Variants in CHRM2 observed in about 807,000 individuals in gnomAD.
CHRM2 encodes muscarinic acetylcholine receptor M2.
Under a neutral mutation model 25.0 loss-of-function variants are expected in CHRM2, and 8 were observed. The ratio of observed to expected loss-of-function variants is 0.32; its 90% CI spans 0.19 to 0.58. The LOEUF (loss-of-function observed/expected upper bound fraction) is 0.58, where lower values mean the gene tolerates loss of function less well. Ranked by LOEUF, CHRM2 falls within the 20% of genes least tolerant of loss-of-function variation. The probability of loss-of-function intolerance (pLI) is 0.88; values close to 1 mark genes in which losing one functional copy is unlikely to be tolerated. For missense variants in CHRM2, 440 were observed against 567.1 expected (o/e 0.78, Z 2.28); for synonymous variants, 202 against 205.7 (o/e 0.98, Z 0.15).
chr7:136,998,154 T>A lies in CHRM2; in HGVS notation c.-47+5890T>A, dbSNP rs553744190. Reference sequence around the variant, plus strand: ...TACATATGGAGCTAGATTGAGAGAATTAGTTCAAGCTCATACGTTTCAATA... The same window carrying A: ...TACATATGGAGCTAGATTGAGAGAAATAGTTCAAGCTCATACGTTTCAATA... On this transcript the variant is annotated intron_variant, in intron 3 of 3. Coordinates refer to ENST00000680005, the MANE Select transcript of CHRM2 (RefSeq NM_001006630.2). Among the ~76,000 whole-genome samples, 310 of 152,288 alleles carry A rather than the reference T, an allele frequency of 2.0e-3. 3 individuals are homozygous for A. The highest frequency in any genetic ancestry group is 3.5e-3 in the Non-Finnish European group (238 of 68,012).
intron 3 of CHRM2, among the ~76,000 whole-genome samples, chr7:137,005,704 C>A (rs997185375): frequency 1.3e-5 from 2 of 152,094 alleles, no homozygotes; most frequent in African/African-American, 2.4e-5. Flanking sequence ...TTGTTTGGAG[C>A]TGCTCAGCTT....
chr7:136,903,013 T>C (rs957022780), intron 2 of CHRM2: 4 of 468,126 alleles, frequency 8.5e-6, no homozygotes, highest in African/African-American at 6.1e-5. Context: ...GTATACATTA[T>C]GGCCAGCAAC....
At chr7:136,919,772 T>C (rs1798321651) in intron 2 of CHRM2, among the ~76,000 whole-genome samples, 2 of 152,166 alleles carry the variant, frequency 1.3e-5, no homozygotes, top group South Asian at 4.1e-4. Flanking sequence ...TTCATGATTC[T>C]ATTTGTTTCA....
chr7:136,996,599 TA>T (rs1298082964), intron 3 of CHRM2, among the ~76,000 whole-genome samples: 5 of 152,146 alleles, frequency 3.3e-5, no homozygotes, highest in Non-Finnish European at 5.9e-5. Context: ...ATAGATCTAT[TA>T]AAAAATCATG....
intron 2 of CHRM2, among the ~76,000 whole-genome samples, chr7:136,915,460 A>G (rs148291298): frequency 1.6e-4 from 24 of 151,990 alleles, no homozygotes; most frequent in African/African-American, 5.8e-4. Flanking sequence ...TTTTAATTGA[A>G]GTGATCAGTA....
At chr7:136,999,546 C>G (rs866810015) in intron 3 of CHRM2, among the ~76,000 whole-genome samples, 54 of 151,980 alleles carry the variant, frequency 3.6e-4, no homozygotes, top group African/African-American at 1.1e-3. Flanking sequence ...ATCCCTCCCC[C>G]CTCCTCCCAC....
At chr7:137,001,608 G>A (rs1353099811) in intron 3 of CHRM2, among the ~76,000 whole-genome samples, 1 of 152,094 alleles carries the variant, frequency 6.6e-6, no homozygotes, top group Non-Finnish European at 1.5e-5. Context: ...TTCATTTAGG[G>A]CTAGGATGAG....
intron 2 of CHRM2, among the ~76,000 whole-genome samples, chr7:136,891,548 G>A (rs1262106057): frequency 6.6e-6 from 1 of 152,152 alleles, no homozygotes; most frequent in Non-Finnish European, 1.5e-5. Flanking sequence ...AGCATTTGCT[G>A]TGACTCACAT....
chr7:136,921,210 G>T (rs35850868), intron 2 of CHRM2, among the ~76,000 whole-genome samples: 2 of 151,746 alleles, frequency 1.3e-5, no homozygotes, highest in Non-Finnish European at 2.9e-5. Flanking sequence ...CCTCCAGGTC[G>T]TTCTGTCTCC....
intron 3 of CHRM2, among the ~76,000 whole-genome samples, chr7:137,001,386 A>C (rs1271472702): frequency 6.6e-6 from 1 of 152,198 alleles, no homozygotes; most frequent in African/African-American, 2.4e-5. Context: ...TTTGAAAGCA[A>C]CCAAACAAGG....
intron 2 of CHRM2, among the ~76,000 whole-genome samples, chr7:136,969,673 T>C (rs1463203039): frequency 6.6e-6 from 1 of 152,172 alleles, no homozygotes; most frequent in Non-Finnish European, 1.5e-5. Context: ...TCTGCCACCT[T>C]TCCAACGTCC....
intron 2 of CHRM2, among the ~76,000 whole-genome samples, chr7:136,910,301 C>T (rs1797771752): frequency 6.6e-6 from 1 of 151,854 alleles, no homozygotes; most frequent in Non-Finnish European, 1.5e-5. Flanking sequence ...ATACAGTACA[C>T]ATATTAATTC....
At chr7:136,993,600 A>G (rs1584892341) in intron 3 of CHRM2, among the ~76,000 whole-genome samples, 1 of 152,064 alleles carries the variant, frequency 6.6e-6, no homozygotes, top group African/African-American at 2.4e-5. Flanking sequence ...AAAGCAAACA[A>G]CTCTAGCCCA....
At chr7:136,903,353 C>A in intron 2 of CHRM2, 1 of 407,072 alleles carries the variant, frequency 2.5e-6, no homozygotes, top group Non-Finnish European at 5.0e-6. Flanking sequence ...AAATCTCCTT[C>A]AAAAGGAAGT....
At chr7:136,949,523 G>C (rs1253048742) in intron 2 of CHRM2, among the ~76,000 whole-genome samples, 3 of 150,604 alleles carry the variant, frequency 2.0e-5, no homozygotes, top group African/African-American at 7.4e-5. Flanking sequence ...AGCTACTTTG[G>C]AGGCTGAGGT....
At chr7:136,961,534 G>C (rs1422183386) in intron 2 of CHRM2, among the ~76,000 whole-genome samples, 1 of 152,086 alleles carries the variant, frequency 6.6e-6, no homozygotes, top group East Asian at 1.9e-4. Flanking sequence ...AAAGCAAAAA[G>C]TTTCTGTTCA....
chr7:136,901,611 A>G (rs1310183045), intron 2 of CHRM2, among the ~76,000 whole-genome samples: 1 of 151,736 alleles, frequency 6.6e-6, no homozygotes, highest in East Asian at 1.9e-4. Context: ...CCCTGATGTC[A>G]TTTTTTTCCC....
chr7:136,916,144 C>A (rs961205249), intron 2 of CHRM2, among the ~76,000 whole-genome samples: 1 of 104,916 alleles, frequency 9.5e-6, no homozygotes, highest in Non-Finnish European at 2.6e-5. Context: ...TTCTAACTTT[C>A]CTATATTTTG....
At chr7:136,950,379 G>A (rs1329218817) in intron 2 of CHRM2, among the ~76,000 whole-genome samples, 1 of 152,164 alleles carries the variant, frequency 6.6e-6, no homozygotes, top group Non-Finnish European at 1.5e-5. Flanking sequence ...GTCCCTGCGG[G>A]ATGGGGGTGG....
Sources: allele counts gnomAD v4.1 joint callset (sites outside exome capture counted in the v4.1 genomes callset), GRCh38; gene constraint gnomAD v4.1.1; transcripts MANE v1.5; gene names NCBI Gene and HGNC (gene_info 2026-07-23, HGNC 2026-07-21).